Variants in RBFOX1 observed in about 807,000 individuals in gnomAD.
The protein encoded by RBFOX1 is RNA binding protein fox-1 homolog 1.
In RBFOX1, 8 loss-of-function variants were observed where a neutral mutation model predicts 57.7. The ratio of observed to expected loss-of-function variants is 0.14; its 90% CI spans 0.08 to 0.25. The LOEUF is 0.25. Ranked by LOEUF, RBFOX1 falls within the 10% of genes least tolerant of loss-of-function variation. RBFOX1 has a pLI of 1.00. For missense variants in RBFOX1, 611 were observed against 548.5 expected, an observed-to-expected ratio of 1.11 and a Z score of -1.14; for synonymous variants, 326 against 222.4, an observed-to-expected ratio of 1.47 and a Z score of -4.15.
At chr16:6,775,219 C>A (rs1027328567) in intron 3 of RBFOX1, among the ~76,000 whole-genome samples, 4 of 150,324 alleles carry the variant, frequency 2.7e-5, no homozygotes, top group African/African-American at 9.8e-5. Context: ...GCCTGTAGTC[C>A]CAGCTACTCG....
At chr16:6,882,098 G>A (rs1045290136) in intron 3 of RBFOX1, among the ~76,000 whole-genome samples, 2 of 152,148 alleles carry the variant, frequency 1.3e-5, no homozygotes, top group South Asian at 2.1e-4. Context: ...TTCCCTGCAG[G>A]TTAAGATGTA....
intron 11 of RBFOX1, among the ~76,000 whole-genome samples, chr16:7,651,624 G>C (rs952440192): frequency 1.1e-4 from 16 of 152,194 alleles, no homozygotes; most frequent in Non-Finnish European, 2.1e-4. Flanking sequence ...TAGCGGGAAG[G>C]GAAGAAGCTC....
intron 3 of RBFOX1, among the ~76,000 whole-genome samples, chr16:5,714,341 C>T (rs140517642): frequency 6.6e-6 from 1 of 152,198 alleles, no homozygotes; most frequent in Non-Finnish European, 1.5e-5. Context: ...CACCCATTGC[C>T]TTGAACTGCT....
At chr16:5,455,688 T>C (rs2068609336) in intron 1 of RBFOX1, among the ~76,000 whole-genome samples, 1 of 152,210 alleles carries the variant, frequency 6.6e-6, no homozygotes, top group Non-Finnish European at 1.5e-5. Flanking sequence ...TTCAGCAACA[T>C]AGACAGGCAG....
At chr16:6,635,946 G>A (rs1394966885) in intron 2 of RBFOX1, among the ~76,000 whole-genome samples, 1 of 152,138 alleles carries the variant, frequency 6.6e-6, no homozygotes, top group South Asian at 2.1e-4. Context: ...GTATCTTGGG[G>A]ATGGGACCCA....
chr16:6,185,604 C>A (rs1223871096), intron 1 of RBFOX1, among the ~76,000 whole-genome samples: 1 of 152,094 alleles, frequency 6.6e-6, no homozygotes, highest in African/African-American at 2.4e-5. Flanking sequence ...GGTTTAAGTA[C>A]CAATGTACAC....
At chr16:7,091,741 C>G (rs746966663) in intron 4 of RBFOX1, among the ~76,000 whole-genome samples, 3 of 152,166 alleles carry the variant, frequency 2.0e-5, no homozygotes, top group Non-Finnish European at 2.9e-5. Flanking sequence ...CCTCTGAATT[C>G]TGCATTTTCT....
At chr16:6,795,041 A>T (rs998198331) in intron 3 of RBFOX1, among the ~76,000 whole-genome samples, 2 of 152,102 alleles carry the variant, frequency 1.3e-5, no homozygotes, top group African/African-American at 4.8e-5. Context: ...CATACTGCAC[A>T]TTTTCTCTTG....
At chr16:6,767,472 G>C (rs75842676) in intron 3 of RBFOX1, among the ~76,000 whole-genome samples, 1 of 152,150 alleles carries the variant, frequency 6.6e-6, no homozygotes, top group Non-Finnish European at 1.5e-5. Flanking sequence ...TTATGTGAAC[G>C]AATACATTTC....
chr16:6,779,057 A>T (rs892961128), intron 3 of RBFOX1, among the ~76,000 whole-genome samples: 3 of 152,042 alleles, frequency 2.0e-5, no homozygotes, highest in African/African-American at 7.2e-5. Flanking sequence ...TATACAATGC[A>T]TTATTGTTAA....
At chr16:5,299,205 T>G (rs77985674) in intron 1 of RBFOX1, among the ~76,000 whole-genome samples, 1 of 147,846 alleles carries the variant, frequency 6.8e-6, no homozygotes, top group South Asian at 2.1e-4. Context: ...TATGCCTGGC[T>G]TTTTTTTTTG....
rs1304883912 is a variant in RBFOX1, at chr16:7,041,082, A to AC, written c.-15-10975_-15-10974insC. ...AGGCAAGTGCCAACACGCCCAGCTA[A>AC]TTTTTTTTTTTTTTTTTTTTTTTTT... On this transcript the variant is annotated intron_variant, in intron 3 of 15. Coordinates refer to ENST00000550418, the MANE Select transcript of RBFOX1 (RefSeq NM_018723.4). Among the ~76,000 whole-genome samples, 7 of 109,310 alleles carry AC rather than the reference A, an allele frequency of 6.4e-5. No individual in the cohort carries two copies. In the Admixed American group the frequency reaches 7.0e-4, roughly 11 times the overall value. 71.7% of individuals were successfully genotyped at this position (109,310 alleles called of 152,430 possible).
intron 11 of RBFOX1, among the ~76,000 whole-genome samples, chr16:7,639,886 T>C (rs920529747): frequency 9.2e-5 from 14 of 152,188 alleles, no homozygotes; most frequent in African/African-American, 3.4e-4. Context: ...TATCTATTTA[T>C]GAACAATAGT....
chr16:5,418,302 G>T (rs981790609), intron 1 of RBFOX1, among the ~76,000 whole-genome samples: 3 of 151,950 alleles, frequency 2.0e-5, no homozygotes, highest in Admixed American at 2.0e-4. Context: ...AGAGTAGGCA[G>T]CCTGAGCCCT....
chr16:6,656,604 A>ACC (rs892112287), intron 3 of RBFOX1, among the ~76,000 whole-genome samples: 5 of 140,230 alleles, frequency 3.6e-5, no homozygotes, highest in Non-Finnish European at 8.1e-5. Flanking sequence ...AAATAGACAC[A>ACC]CACACACACA....
intron 3 of RBFOX1, among the ~76,000 whole-genome samples, chr16:6,987,890 G>C (rs557082850): frequency 6.6e-6 from 1 of 152,068 alleles, no homozygotes; most frequent in Admixed American, 6.6e-5. Context: ...ATCCCTATTC[G>C]GGTCAGAAAT....
At chr16:6,971,547 C>T (rs970394111) in intron 3 of RBFOX1, among the ~76,000 whole-genome samples, 3 of 151,432 alleles carry the variant, frequency 2.0e-5, no homozygotes, top group South Asian at 4.2e-4. Flanking sequence ...GAATTTTGAG[C>T]AAAAGAAATG....
intron 4 of RBFOX1, among the ~76,000 whole-genome samples, chr16:7,494,720 T>C (rs1395777757): frequency 2.6e-5 from 4 of 152,034 alleles, no homozygotes; most frequent in African/African-American, 9.7e-5. Context: ...AAAGCCAGCA[T>C]TTGAACAACA....
intron 4 of RBFOX1, among the ~76,000 whole-genome samples, chr16:7,276,521 G>A (rs1603474360): frequency 6.6e-6 from 1 of 152,184 alleles, no homozygotes; most frequent in African/African-American, 2.4e-5. Flanking sequence ...AAAGGGTAGG[G>A]AAATCTAAGT....
Sources: allele counts gnomAD v4.1 joint callset (sites outside exome capture counted in the v4.1 genomes callset), GRCh38; gene constraint gnomAD v4.1.1; transcripts MANE v1.5; gene names NCBI Gene and HGNC (gene_info 2026-07-23, HGNC 2026-07-21).